The following NYAP2 variants were observed in gnomAD, a reference collection of about 807,000 sequenced individuals.
NYAP2 encodes the protein neuronal tyrosine-phosphorylated phosphoinositide-3-kinase adapter 2.
Under a neutral mutation model 50.4 loss-of-function variants are expected in NYAP2, and 23 were observed. That is an observed-to-expected ratio of 0.46 (90% CI 0.33 to 0.65). NYAP2 has a LOEUF of 0.65. Ranked by LOEUF, NYAP2 falls within the 30% of genes least tolerant of loss-of-function variation. The pLI is 0.02. For missense variants in NYAP2, 885 were observed against 861.0 expected (o/e 1.03, Z -0.35); for synonymous variants, 394 against 365.2 (o/e 1.08, Z -0.90).
intron 3 of NYAP2, among the ~76,000 whole-genome samples, chr2:225,505,797 T>C (rs1208061136): frequency 6.6e-6 from 1 of 152,180 alleles, no homozygotes; most frequent in Non-Finnish European, 1.5e-5. Context: ...ACCTGAACAG[T>C]TTGGGATTAT....
chr2:225,699,883 TAAA>T, the NYAP2 span: 1 of 151,888 alleles, frequency 6.6e-6, no homozygotes, highest in East Asian at 1.9e-4. Flanking sequence ...CACGAATGAA[TAAA>T]AAAGAAACTA....
chr2:225,618,081 T>G (rs774203278), intron 5 of NYAP2, among the ~76,000 whole-genome samples: 4 of 152,218 alleles, frequency 2.6e-5, no homozygotes, highest in Non-Finnish European at 5.9e-5. Flanking sequence ...GGGTGGCCCA[T>G]CAATGACACA....
At chr2:225,415,870 T>A (rs1010895498) in intron 3 of NYAP2, among the ~76,000 whole-genome samples, 5 of 151,922 alleles carry the variant, frequency 3.3e-5, no homozygotes, top group African/African-American at 1.2e-4. Context: ...TAACCTATGC[T>A]TTGAGCAACA....
At chr2:225,533,618 G>T (rs934352861) in intron 4 of NYAP2, among the ~76,000 whole-genome samples, 1 of 152,022 alleles carries the variant, frequency 6.6e-6, no homozygotes, top group Non-Finnish European at 1.5e-5. Context: ...GAGCCCAAGG[G>T]GTGGAGGTTG....
At chr2:225,560,151 A>G (rs755611824) in intron 4 of NYAP2, among the ~76,000 whole-genome samples, 2 of 152,114 alleles carry the variant, frequency 1.3e-5, no homozygotes, top group Non-Finnish European at 2.9e-5. Flanking sequence ...ATACCTTTCT[A>G]TACACTTACA....
chr2:225,408,822 T>TC (rs1353149301), intron 2 of NYAP2, 42 bp from the exon 3 acceptor site: 1 of 1,171,960 alleles, frequency 8.5e-7, no homozygotes, highest in Non-Finnish European at 1.3e-6. Flanking sequence ...CTTGCTTTTT[T>TC]CCCCACCCTG....
At chr2:225,431,734 AT>A (rs1689252759) in intron 3 of NYAP2, among the ~76,000 whole-genome samples, 1 of 152,214 alleles carries the variant, frequency 6.6e-6, no homozygotes. Context: ...CCGGGAACTC[AT>A]TAGCAAAATG....
chr2:225,551,895 C>T (rs1348494646), intron 4 of NYAP2, among the ~76,000 whole-genome samples: 32 of 152,316 alleles, frequency 2.1e-4, no homozygotes, highest in Non-Finnish European at 2.9e-5. Flanking sequence ...TCACTGCAAC[C>T]TCCGCCTCCC....
At chr2:225,428,404 C>G (rs1695317067) in intron 3 of NYAP2, among the ~76,000 whole-genome samples, 1 of 152,254 alleles carries the variant, frequency 6.6e-6, no homozygotes, top group South Asian at 2.1e-4. Flanking sequence ...TACTCAGGTA[C>G]CCTCTAGTCC....
At chr2:225,496,745 T>C (rs938256803) in intron 3 of NYAP2, among the ~76,000 whole-genome samples, 11 of 151,968 alleles carry the variant, frequency 7.2e-5, no homozygotes, top group Non-Finnish European at 1.3e-4. Context: ...GGTTTTATTT[T>C]AATAGGGTGG....
At position 225,544,376 on chromosome 2, in the gene NYAP2, T is replaced by A. The variant is rs1342231552; in HGVS notation, c.523+30704T>A. On this transcript the variant is annotated intron_variant, in intron 4 of 6. Transcript: ENST00000636099. ...CTTCCTGTCTTCCTTTTAGTAAAGG[T>A]AATTTTCTCGTGGTAGGATTAAATT... Among the ~76,000 whole-genome samples the A allele has an allele frequency of 2.0e-5, 3 of 152,038 alleles. No homozygotes were observed. In the East Asian group the frequency reaches 5.8e-4, roughly 29 times the overall value.
intron 3 of NYAP2, among the ~76,000 whole-genome samples, chr2:225,493,929 GC>G (rs1402245030): frequency 1.3e-5 from 2 of 152,118 alleles, no homozygotes; most frequent in African/African-American, 4.8e-5. Flanking sequence ...CTAAAAATAT[GC>G]CCAATGACTT....
At chr2:225,513,383 A>G (rs1690867287) in exon 4 of NYAP2, 1 of 1,613,876 alleles carries the variant, frequency 6.2e-7, no homozygotes, top group African/African-American at 1.3e-5. Context: ...TAGGTGGAGA[A>G]GTAGGGCGAG....
At chr2:225,573,376 C>T (rs147039877) in intron 4 of NYAP2, among the ~76,000 whole-genome samples, 6 of 151,620 alleles carry the variant, frequency 4.0e-5, no homozygotes, top group African/African-American at 1.5e-4. Flanking sequence ...CTCAGCCTCC[C>T]GAGTAGCTGG....
At chr2:225,603,862 G>A (rs532689017) in intron 5 of NYAP2, among the ~76,000 whole-genome samples, 14 of 151,572 alleles carry the variant, frequency 9.2e-5, no homozygotes, top group Admixed American at 3.3e-4. Flanking sequence ...TGTCACTTTC[G>A]CTGATTAAGC....
At chr2:225,657,201 C>T (rs1693843853), downstream of NYAP2, among the ~76,000 whole-genome samples, 1 of 150,762 alleles carries the variant, frequency 6.6e-6, no homozygotes, top group African/African-American at 2.4e-5. Context: ...ACCTCCACCT[C>T]CAAGTTCAAC....
At chr2:225,658,125 C>T (rs944684617), downstream of NYAP2, among the ~76,000 whole-genome samples, 2 of 152,132 alleles carry the variant, frequency 1.3e-5, no homozygotes, top group Non-Finnish European at 2.9e-5. Flanking sequence ...GGAAGAAAAG[C>T]AGAAACAACA....
chr2:225,480,025 T>C (rs894260413), intron 3 of NYAP2, among the ~76,000 whole-genome samples: 1 of 152,126 alleles, frequency 6.6e-6, no homozygotes, highest in Non-Finnish European at 1.5e-5. Flanking sequence ...CAAGTAACTT[T>C]GGTAAAAGTT....
Position 225,615,851 on chromosome 2 carries a change from A to C in NYAP2, c.1619-11066A>C, listed in dbSNP as rs546292865. Among the ~76,000 whole-genome samples, 5 of 152,350 alleles carry C rather than the reference A, an allele frequency of 3.3e-5. No homozygotes were observed. In the South Asian group the frequency reaches 8.3e-4, roughly 25 times the overall value. ...CACCCTCTAAGTTTCTAAGGAAAAG[A>C]GAGCAAAGGCCCTGTGCCTCCACCA... is the stretch of plus-strand genomic sequence containing the variant. On this transcript the variant is annotated intron_variant, in intron 5 of 6. Transcript: ENST00000636099.
Sources: gnomAD v4.1 joint callset for allele counts (sites outside exome capture counted in the v4.1 genomes callset) on GRCh38, gnomAD v4.1.1 for gene constraint, MANE v1.5 for transcripts, NCBI Gene and HGNC (gene_info 2026-07-23, HGNC 2026-07-21) for gene names.